Variants in POF1B observed in about 807,000 individuals in gnomAD.
The protein encoded by POF1B is POF1B actin binding protein, also known as protein POF1B.
A neutral mutation model predicts 55.3 loss-of-function variants in POF1B; 53 were observed. The observed-to-expected ratio is 0.96, with a 90% CI of 0.77 to 1.20. The LOEUF (loss-of-function observed/expected upper bound fraction) is 1.20. Ranked by LOEUF, POF1B falls within the 50% of genes most tolerant of loss-of-function variation. The probability of loss-of-function intolerance (pLI) is 0.00; values close to 1 mark genes in which losing one functional copy is unlikely to be tolerated. For synonymous variants in POF1B, 188 were observed against 148.3 expected (o/e 1.27, Z -1.95); for missense variants, 478 against 420.5 (o/e 1.14, Z -1.20).
chrX:85,360,527 G>GTATGTATGTA (rs1392775604), intron 3 of POF1B, among the ~76,000 whole-genome samples: 4 of 58,524 alleles, frequency 6.8e-5, no homozygotes, highest in African/African-American at 4.2e-4. Context: ...TCCATGGTAT[G>GTATGTATGTA]TATATATATA....
chrX:85,299,079 T>C (rs920482653), intron 15 of POF1B, among the ~76,000 whole-genome samples: 4 of 111,724 alleles, frequency 3.6e-5, no homozygotes, highest in African/African-American at 1.3e-4. Flanking sequence ...TCAGAGAGCA[T>C]TTATTTAGGA....
At chrX:85,346,202 A>G (rs1369406568) in intron 5 of POF1B, among the ~76,000 whole-genome samples, 160 bp from the exon 6 acceptor site, 1 of 110,786 alleles carries the variant, frequency 9.0e-6, no homozygotes, top group Non-Finnish European at 1.9e-5. Context: ...AATTTTTTTC[A>G]TTGGGAAAAT....
intron 2 of POF1B, among the ~76,000 whole-genome samples, chrX:85,369,180 A>T (rs1933779014): frequency 9.0e-6 from 1 of 111,609 alleles, no homozygotes; most frequent in Non-Finnish European, 1.9e-5. Context: ...ATATTCTCAG[A>T]TTTTCTGCTA....
intron 13 of POF1B, 132 bp from the exon 14 acceptor site, chrX:85,304,603 G>T: frequency 3.2e-6 from 1 of 311,527 alleles, no homozygotes; most frequent in Non-Finnish European, 5.2e-6. Context: ...AGTCATAAAC[G>T]TTCGAAGAAT....
At chrX:85,358,248 G>A (rs963818285) in intron 4 of POF1B, among the ~76,000 whole-genome samples, 24 of 111,309 alleles carry the variant, frequency 2.2e-4, no homozygotes, top group Admixed American at 2.1e-3. Context: ...TCAAACAAAT[G>A]TATTATCTCC....
At chrX:85,301,591 A>G (rs1001071886) in intron 15 of POF1B, among the ~76,000 whole-genome samples, 1 of 111,548 alleles carries the variant, frequency 9.0e-6, no homozygotes, top group Non-Finnish European at 1.9e-5. Context: ...AAAGATCACC[A>G]GTAAAGGTAA....
chrX:85,297,869 C>T (rs921362454), intron 15 of POF1B, among the ~76,000 whole-genome samples: 2 of 111,969 alleles, frequency 1.8e-5, no homozygotes, highest in Non-Finnish European at 3.8e-5. Flanking sequence ...AGAGGTGTGC[C>T]CTGCTTCTGC....
chrX:85,289,455 G>A (rs1287574387), intron 15 of POF1B, among the ~76,000 whole-genome samples: 1 of 111,630 alleles, frequency 9.0e-6, no homozygotes, highest in Non-Finnish European at 1.9e-5. Flanking sequence ...CAATACACTA[G>A]TCTCTGGCTG....
chrX:85,352,165 A>G (rs1933404257), intron 4 of POF1B, among the ~76,000 whole-genome samples: 1 of 111,309 alleles, frequency 9.0e-6, no homozygotes, highest in African/African-American at 3.3e-5. Context: ...CGAGCTAATA[A>G]GAATCAGACC....
chrX:85,361,060 T>C (rs1423202278), intron 3 of POF1B, among the ~76,000 whole-genome samples: 3 of 111,649 alleles, frequency 2.7e-5, no homozygotes, highest in African/African-American at 9.8e-5. Context: ...CTTTGCCTAC[T>C]TTTTAATCGG....
At chrX:85,279,800 G>A (rs1015601116) in intron 16 of POF1B, among the ~76,000 whole-genome samples, 4 of 110,792 alleles carry the variant, frequency 3.6e-5, no homozygotes, top group Non-Finnish European at 7.6e-5. Context: ...TATCAATTTT[G>A]ATTTTTACTG....
chrX:85,347,128 A>G (rs2147935499), intron 5 of POF1B, among the ~76,000 whole-genome samples: 1 of 111,352 alleles, frequency 9.0e-6, no homozygotes, highest in South Asian at 3.7e-4. Context: ...TTTCAGGCAT[A>G]CTTGAATTTG....
intron 6 of POF1B, among the ~76,000 whole-genome samples, chrX:85,340,325 G>A (rs1419145208): frequency 9.0e-6 from 1 of 111,036 alleles, no homozygotes; most frequent in Non-Finnish European, 1.9e-5. Flanking sequence ...AGTGATGCCA[G>A]TAAAAGGAGA....
At chrX:85,343,019 T>G (rs753807899) in intron 6 of POF1B, among the ~76,000 whole-genome samples, 87 of 94,554 alleles carry the variant, frequency 9.2e-4, no homozygotes, top group African/African-American at 3.3e-3. Flanking sequence ...AACTTTATCC[T>G]TATAAAATAT....
intron 2 of POF1B, among the ~76,000 whole-genome samples, chrX:85,373,020 G>C (rs761923810): frequency 1.8e-5 from 2 of 109,744 alleles, no homozygotes; most frequent in Non-Finnish European, 3.8e-5. Context: ...CTGAATTCTA[G>C]GATTATTTCT....
chrX:85,320,517 T>C (rs144695690), intron 7 of POF1B, among the ~76,000 whole-genome samples: 2,985 of 110,042 alleles, frequency 0.027, 101 homozygotes, highest in African/African-American at 0.094. Flanking sequence ...CACCGTAACA[T>C]CACAATTAAA....
chrX:85,365,715 C>A (rs182523040), intron 3 of POF1B, among the ~76,000 whole-genome samples: 210 of 111,833 alleles, frequency 1.9e-3, no homozygotes, highest in African/African-American at 6.5e-3. Flanking sequence ...TGGCTTGGCA[C>A]TCCAGGGATG....
At chrX:85,325,910 G>T (rs1932891868) in intron 7 of POF1B, among the ~76,000 whole-genome samples, 1 of 111,275 alleles carries the variant, frequency 9.0e-6, no homozygotes, top group South Asian at 3.8e-4. Context: ...GGTGAGTACA[G>T]TCGATTGGCT....
chrX:85,336,663 A>AT (rs1242693509), intron 6 of POF1B, among the ~76,000 whole-genome samples: 2 of 110,543 alleles, frequency 1.8e-5, no homozygotes, highest in Non-Finnish European at 3.8e-5. Flanking sequence ...AAATTATTAG[A>AT]TTTTTTTCCT....
Sources: allele counts gnomAD v4.1 joint callset (sites outside exome capture counted in the v4.1 genomes callset), GRCh38; gene constraint gnomAD v4.1.1; transcripts MANE v1.5; gene names NCBI Gene and HGNC (gene_info 2026-07-23, HGNC 2026-07-21).